PM20D1: variants seen among roughly 807,000 people sequenced by gnomAD.
The protein encoded by PM20D1 is peptidase M20 domain containing 1.
In PM20D1, 53 loss-of-function variants were observed where a neutral mutation model predicts 53.8. The observed-to-expected ratio is 0.98, with a 90% CI of 0.79 to 1.24. The LOEUF (loss-of-function observed/expected upper bound fraction) is 1.24. Among genes scored for constraint, PM20D1 ranks in the 50% most tolerant of loss-of-function variants. PM20D1 has a pLI of 0.00. For missense variants in PM20D1, 564 were observed against 616.8 expected (o/e 0.91, Z 0.91); for synonymous variants, 239 against 241.3 (o/e 0.99, Z 0.09).
In PM20D1 at chr1:205,828,200, G is replaced by A. The variant is rs1169995950; in HGVS notation, c.*420C>T. On this transcript the variant is annotated 3_prime_UTR_variant, in exon 13 of 13. Transcript: ENST00000367136. ...CCAAGAAGAGAGGGGAATAAAAGGG[G>A]GAAGAAAGTTCTAGTAAGAAGAAAT... 6.3e-6 allele frequency: 1 copy of A among 158,936 alleles called. No homozygotes were observed. The highest frequency in any genetic ancestry group is 1.4e-5 in the Non-Finnish European group (1 of 72,656). 9.8% of individuals were successfully genotyped at this position (158,936 alleles called of 1,614,324 possible). A position where few individuals can be genotyped will look rare whatever the true frequency, so the allele number is the denominator to read the frequency against.
intron 10 of PM20D1, among the ~76,000 whole-genome samples, chr1:205,839,948 A>G (rs1656768830): frequency 6.7e-6 from 1 of 149,754 alleles, no homozygotes; most frequent in Admixed American, 6.6e-5. Context: ...AGAAAGGAAG[A>G]AAGGTGCCAA....
chr1:205,839,572 G>A (rs1656756303), intron 10 of PM20D1, among the ~76,000 whole-genome samples: 1 of 152,014 alleles, frequency 6.6e-6, no homozygotes, highest in East Asian at 1.9e-4. Flanking sequence ...ATGGCTGGGT[G>A]TGGTGGCTCA....
At chr1:205,834,982 TA>T (rs1384010317) in intron 10 of PM20D1, among the ~76,000 whole-genome samples, 3 of 152,174 alleles carry the variant, frequency 2.0e-5, no homozygotes, top group African/African-American at 7.2e-5. Flanking sequence ...TGTGAACCAA[TA>T]AAAATAAGAA....
At chr1:205,839,928 A>G (rs1156337015) in intron 10 of PM20D1, among the ~76,000 whole-genome samples, 5 of 150,130 alleles carry the variant, frequency 3.3e-5, no homozygotes, top group African/African-American at 7.3e-5. Flanking sequence ...AAAAAAAAAA[A>G]AAAAAAAAAA....
intron 8 of PM20D1, 76 bp from the exon 9 acceptor site, chr1:205,841,965 T>C: frequency 7.3e-7 from 1 of 1,376,998 alleles, no homozygotes; most frequent in South Asian, 1.2e-5. Context: ...ATTACCCACT[T>C]TCCTGAACCT....
intron 10 of PM20D1, among the ~76,000 whole-genome samples, chr1:205,837,028 C>A (rs956799966): frequency 1.3e-5 from 2 of 152,118 alleles, no homozygotes; most frequent in Admixed American, 1.3e-4. Flanking sequence ...GTACTTCTGC[C>A]CCACAATTAC....
At position 205,828,482 on chromosome 1, in the gene PM20D1, G is replaced by C; in HGVS notation, c.*138C>G. The C allele has an allele frequency of 1.6e-6, 2 of 1,236,736 alleles. No homozygotes were observed. The highest frequency in any genetic ancestry group is 2.2e-6 in the Non-Finnish European group (2 of 919,030). The allele number at this position is 1,236,736 out of a possible 1,614,324, so 76.6% of individuals were successfully genotyped here. A position where few individuals can be genotyped will look rare whatever the true frequency, so the allele number is the denominator to read the frequency against. ...CCTTACCCCGGCCTTGTTCTTGGGA[G>C]AGTTTAAGAGTGAGCAAGACAGATG... On this transcript the variant is annotated 3_prime_UTR_variant, in exon 13 of 13. Coordinates refer to ENST00000367136, the MANE Select transcript of PM20D1 (RefSeq NM_152491.5).
chr1:205,839,889 C>G (rs1334497525), intron 10 of PM20D1, among the ~76,000 whole-genome samples: 2 of 106,076 alleles, frequency 1.9e-5, no homozygotes, highest in Admixed American at 3.1e-4. Flanking sequence ...CCAGCCTGGG[C>G]GACAGAGCAA....
intron 4 of PM20D1, among the ~76,000 whole-genome samples, chr1:205,844,555 A>AT (rs141076349): frequency 0.018 from 2,801 of 152,340 alleles, 93 homozygotes; most frequent in African/African-American, 0.064. Flanking sequence ...TTCTTAGGGT[A>AT]TAGGTGATGG....
In PM20D1 at chr1:205,845,405, C is replaced by T. The variant is rs1454595036; in HGVS notation, c.409G>A (p.Glu137Lys). The T allele has an allele frequency of 6.2e-7, 1 of 1,614,202 alleles. No individual in the cohort carries two copies. Among genetic ancestry groups the T allele is most frequent in the Admixed American group, 1.7e-5 (1 of 60,030 alleles). Residue 137 changes from glutamate to lysine, a missense_variant, in exon 3 of 13, where the codon GAG (glutamate) becomes AAG (lysine). Glu to Lys is a moderately conservative substitution (Grantham distance 56, BLOSUM62 1). Coordinates refer to ENST00000367136, the MANE Select transcript of PM20D1 (RefSeq NM_152491.5). Reference sequence around the variant, plus strand: ...TCCAACCCAGAGAATGGGGGCACCTCCCAGCCTTCTTCAGGGGCAGGCACC... The same window carrying T: ...TCCAACCCAGAGAATGGGGGCACCTTCCAGCCTTCTTCAGGGGCAGGCACC... Reference protein sequence around the residue: ...DVVPAPEEGWEVPPFSGLERD... With the variant: ...DVVPAPEEGWKVPPFSGLERD...
At chr1:205,849,348 C>T (rs1011988445) in intron 1 of PM20D1, among the ~76,000 whole-genome samples, 1 of 151,864 alleles carries the variant, frequency 6.6e-6, no homozygotes, top group Non-Finnish European at 1.5e-5. Flanking sequence ...TAGGAACATC[C>T]CACACCCCGG....
chr1:205,838,319 A>C (rs766930685), intron 10 of PM20D1, among the ~76,000 whole-genome samples: 16 of 152,198 alleles, frequency 1.1e-4, no homozygotes, highest in Non-Finnish European at 1.9e-4. Context: ...ATGTTTAAAT[A>C]AGCTGGCATT....
In PM20D1 at chr1:205,846,112, C is replaced by T. The variant is rs536868964; in HGVS notation, c.257-555G>A. Among the ~76,000 whole-genome samples, 8 of 149,048 alleles carry T rather than the reference C, an allele frequency of 5.4e-5. No individual in the cohort carries two copies. In the South Asian group the frequency reaches 1.7e-3, roughly 32 times the overall value. On this transcript the variant is annotated intron_variant, in intron 2 of 12. Transcript: ENST00000367136. Reference sequence around the variant, plus strand: ...AAAAAAAAAAAAAGACTCGGCCAGGCGTGGTGGCTCATGCCTGTAACCCAG... The same window carrying T: ...AAAAAAAAAAAAAGACTCGGCCAGGTGTGGTGGCTCATGCCTGTAACCCAG...
intron 10 of PM20D1, among the ~76,000 whole-genome samples, chr1:205,837,863 A>T (rs1203766439): frequency 1.3e-5 from 2 of 152,064 alleles, no homozygotes; most frequent in Non-Finnish European, 2.9e-5. Flanking sequence ...GCTGGAAAAA[A>T]ACTAGTGGAA....
rs914068587 is a variant in PM20D1, at chr1:205,845,536, G to T, written c.278C>A (p.Thr93Asn). ...IHKVFPTVVS[T>N]SFIQHEVVEE... ...CACGACTTCATGCTGGATAAAGCTG[G>T]TGCTGACCACTGTAGGAAAGACTAG... The change falls in exon 3 of 13, where the codon ACC becomes AAC. Residue 93 changes from threonine (T) to asparagine (N), a missense_variant. Physicochemically the swap from Thr to Asn is moderately conservative, Grantham distance 65. Transcript: ENST00000367136. 2 of 1,614,200 alleles carry T rather than the reference G, an allele frequency of 1.2e-6. No homozygotes were observed. The highest frequency in any genetic ancestry group is 1.1e-5 in the South Asian group (1 of 91,080).
Position 205,842,227 on chromosome 1 carries a change from C to G in PM20D1, c.904-12G>C. 6.2e-7 allele frequency: 1 copy of G among 1,610,472 alleles called. No homozygotes were observed. The highest frequency in any genetic ancestry group is 8.5e-7 in the Non-Finnish European group (1 of 1,176,782). On this transcript the variant is annotated splice_polypyrimidine_tract_variant and intron_variant, in intron 7 of 12. Transcript: ENST00000367136. Reference sequence around the variant, plus strand: ...ACAGGGAAGGGAAACTGGGAAAGAACAAGGTCAGCACCACAGGGTCACCTC... The same window carrying G: ...ACAGGGAAGGGAAACTGGGAAAGAAGAAGGTCAGCACCACAGGGTCACCTC...
In PM20D1 at chr1:205,843,793, A is replaced by G; in HGVS notation, c.708-7T>C. The stretch of plus-strand genomic sequence containing the variant: ...CTTCTCTGAGACTGCAATCCTGTAG[A>G]AGAGGATCGGAAACCACTCTCCTGA... On this transcript the variant is annotated splice_region_variant and splice_polypyrimidine_tract_variant and intron_variant, in intron 5 of 12. Coordinates refer to ENST00000367136, the MANE Select transcript of PM20D1 (RefSeq NM_152491.5). 3 of 1,612,832 alleles carry G rather than the reference A, an allele frequency of 1.9e-6. No homozygotes were observed. Among genetic ancestry groups the G allele is most frequent in the Non-Finnish European group, 2.5e-6 (3 of 1,179,480 alleles).
At chr1:205,843,942 C>T in intron 5 of PM20D1, 145 bp downstream of exon 5, 2 of 1,470,494 alleles carry the variant, frequency 1.4e-6, no homozygotes, top group Non-Finnish European at 9.2e-7. Context: ...GAAGGGGAAG[C>T]CTAGGAGAGG....
Position 205,844,692 on chromosome 1 carries a change from T to C in PM20D1, c.576+119A>G, listed in dbSNP as rs1656904807. 3 of 840,248 alleles carry C rather than the reference T, an allele frequency of 3.6e-6. No individual in the cohort carries two copies. The East Asian group carries it at 7.6e-5, about 21-fold the overall frequency. The allele number at this position is 840,248 out of a possible 1,614,324, so 52.0% of individuals were successfully genotyped here. On this transcript the variant is annotated intron_variant, in intron 4 of 12. Coordinates refer to ENST00000367136, the MANE Select transcript of PM20D1 (RefSeq NM_152491.5). ...CCTGGCATACAGACACACGGAGAAGTTGGCAAACTACCGTATCATGGAGAC... is the reference window on the plus strand; with the variant it reads ...CCTGGCATACAGACACACGGAGAAGCTGGCAAACTACCGTATCATGGAGAC...
Sources: gnomAD v4.1 joint callset for allele counts (sites outside exome capture counted in the v4.1 genomes callset) on GRCh38, gnomAD v4.1.1 for gene constraint, MANE v1.5 for transcripts, NCBI Gene and HGNC (gene_info 2026-07-23, HGNC 2026-07-21) for gene names.